The following ANK2 variants were observed in gnomAD, a reference collection of about 807,000 sequenced individuals.
The protein encoded by ANK2 is ankyrin-2.
In ANK2, 83 loss-of-function variants were observed where a neutral mutation model predicts 360.5. The ratio of observed to expected loss-of-function variants is 0.23; its 90% confidence interval spans 0.19 to 0.28. The LOEUF (loss-of-function observed/expected upper bound fraction) is 0.28. Among genes scored for constraint, ANK2 ranks in the 10% least tolerant of loss-of-function variants. The pLI is 1.00. For missense variants in ANK2, 4,201 were observed against 4,795.7 expected, an observed-to-expected ratio of 0.88 and a Z score of 3.66; for synonymous variants, 1,740 against 1,759.5, an observed-to-expected ratio of 0.99 and a Z score of 0.28.
chr4:112,760,044 C>G, the ANK2 span, among the ~76,000 whole-genome samples: 3 of 152,108 alleles, frequency 2.0e-5, no homozygotes, highest in Non-Finnish European at 4.4e-5. Flanking sequence ...TATAGTTACC[C>G]CCTACCCCAG....
chr4:113,309,877 G>A (rs2079026204), intron 23 of ANK2, among the ~76,000 whole-genome samples: 2 of 152,082 alleles, frequency 1.3e-5, no homozygotes, highest in Non-Finnish European at 1.5e-5. Flanking sequence ...TGATATATTT[G>A]ATTAAAAATA....
Position 113,232,172 on chromosome 4 carries a change from T to C in ANK2, c.396T>C (p.Thr132=), listed in dbSNP as rs771744452. 2.5e-6 allele frequency: 4 copies of C among 1,593,984 alleles called. No homozygotes were observed. The highest frequency in any genetic ancestry group is 3.4e-6 in the Non-Finnish European group (4 of 1,161,856). ...TTGCTTGTCCTCAGAATGGCTTTAC[T>C]CCTTTATACATGGCTGCCCAAGAGA... ...NINAQSQNGF[T]PLYMAAQENH... Residue 132 remains threonine (T), a synonymous_variant, in exon 5 of 46, where the codon ACT becomes ACC. Transcript: ENST00000357077.
At chr4:112,948,255 A>C (rs2094689216) in intron 2 of ANK2, among the ~76,000 whole-genome samples, 1 of 152,182 alleles carries the variant, frequency 6.6e-6, no homozygotes, top group Non-Finnish European at 1.5e-5. Flanking sequence ...TTGCCTATTT[A>C]CAAAAAAAAC....
chr4:113,272,132 G>C (rs2058756790), intron 14 of ANK2, among the ~76,000 whole-genome samples: 1 of 152,194 alleles, frequency 6.6e-6, no homozygotes, highest in African/African-American at 2.4e-5. Context: ...CTAGTAACTA[G>C]TAATAGAAAT....
intron 2 of ANK2, among the ~76,000 whole-genome samples, chr4:112,976,011 A>G (rs2041263792): frequency 6.6e-6 from 1 of 152,104 alleles, no homozygotes; most frequent in African/African-American, 2.4e-5. Flanking sequence ...TTTCAATTTG[A>G]AAATTGAATA....
rs1219556872 is a variant in ANK2, at chr4:113,199,091, T to A, written c.366T>A (p.Asn122Lys). The change falls in exon 4 of 46, where the codon AAT (asparagine) becomes AAA (lysine). Residue 122 changes from asparagine to lysine, a missense_variant. By Grantham distance (94) the Asn-to-Lys change is moderately conservative. Around this residue, in one of 4 missense-constraint regions of ANK2, gnomAD observed 169 missense variants for 191.1 expected, o/e 0.88. Transcript: ENST00000357077. ...VVKVLVKEGA[N>K]INAQSQNGFT... ...AAGTTCTTGTTAAGGAAGGAGCCAA[T>A]ATTAATGCACAGTCTCAGGTATTCC... 1 of 1,611,184 alleles carries A rather than the reference T, an allele frequency of 6.2e-7. No homozygotes were observed. Among genetic ancestry groups the A allele is most frequent in the Admixed American group, 1.7e-5 (1 of 59,998 alleles).
intron 21 of ANK2, 147 bp downstream of exon 21, chr4:113,292,661 C>A: frequency 2.2e-6 from 2 of 913,722 alleles, no homozygotes. Flanking sequence ...TTTGGGCAGG[C>A]TTTCCAGAAG....
chr4:113,354,876 A>G lies in ANK2; in HGVS notation c.6258A>G (p.Lys2086=). The G allele has an allele frequency of 6.2e-7, 1 of 1,614,098 alleles. No homozygotes were observed. The highest frequency in any genetic ancestry group is 8.5e-7 in the Non-Finnish European group (1 of 1,179,982). Residue 2086 remains lysine, a synonymous_variant, in exon 38 of 46, where the codon AAA becomes AAG. Coordinates refer to ENST00000357077, the MANE Select transcript of ANK2 (RefSeq NM_001148.6). ...AAGATGCAGCTGGAGGAAAGGAGAA[A>G]GTTCTCAGCCACAAAATACCTGAAC... is the stretch of plus-strand genomic sequence containing the variant. The part of the protein sequence containing the change: ...KKEDAAGGKE[K]VLSHKIPEPV...
At position 113,199,227 on chromosome 4, in the gene ANK2, A is replaced by G. The variant is rs1291985146; in HGVS notation, c.384+118A>G. The G allele has an allele frequency of 4.9e-6, 4 of 818,420 alleles. No homozygotes were observed. In the South Asian group the frequency reaches 6.6e-5, roughly 13 times the overall value. The allele number at this position is 818,420 out of a possible 1,614,324, so 50.7% of individuals were successfully genotyped here. ...ATAAATTTATTATAAGTGCTTTGTTATTTATTTTAGCCAAATAATTTTATT... is the reference window on the plus strand; with the variant it reads ...ATAAATTTATTATAAGTGCTTTGTTGTTTATTTTAGCCAAATAATTTTATT... On this transcript the variant is annotated intron_variant, in intron 4 of 45. Coordinates refer to ENST00000357077, the MANE Select transcript of ANK2 (RefSeq NM_001148.6).
At chr4:112,709,908 T>G in the ANK2 span, among the ~76,000 whole-genome samples, 1 of 152,216 alleles carries the variant, frequency 6.6e-6, no homozygotes, top group Non-Finnish European at 1.5e-5. Context: ...TGTCATTCTC[T>G]TGTTTCTTCA....
intron 1 of ANK2, among the ~76,000 whole-genome samples, chr4:113,147,508 G>A (rs944078603): frequency 2.0e-5 from 3 of 152,154 alleles, no homozygotes; most frequent in African/African-American, 7.2e-5. Flanking sequence ...TTATAGACTG[G>A]AGCATATCAT....
intron 2 of ANK2, among the ~76,000 whole-genome samples, chr4:113,008,074 A>C (rs1038661524): frequency 2.0e-5 from 3 of 150,942 alleles, no homozygotes; most frequent in Non-Finnish European, 4.4e-5. Context: ...ACCTGGAAAA[A>C]GTGGTACCTA....
chr4:113,088,063 G>T (rs558588655), intron 1 of ANK2, among the ~76,000 whole-genome samples: 54 of 151,986 alleles, frequency 3.6e-4, no homozygotes, highest in Middle Eastern at 3.4e-3. Context: ...GAAAAGCCTG[G>T]TTTTTTTTAA....
chr4:113,002,289 A>G (rs1368325345), intron 2 of ANK2, among the ~76,000 whole-genome samples: 1 of 152,220 alleles, frequency 6.6e-6, no homozygotes, highest in African/African-American at 2.4e-5. Context: ...ACTATTCACA[A>G]TAGCAAAGAC....
the ANK2 span, among the ~76,000 whole-genome samples, chr4:112,708,777 A>G: frequency 6.6e-6 from 1 of 152,316 alleles, no homozygotes; most frequent in South Asian, 2.1e-4. Context: ...GAGCCTAAAT[A>G]ATACCTAATT....
chr4:113,100,595 T>G (rs745388600), intron 1 of ANK2, among the ~76,000 whole-genome samples: 5 of 152,110 alleles, frequency 3.3e-5, no homozygotes, highest in African/African-American at 4.8e-5. Context: ...AAACACAGTC[T>G]TACTGTACAA....
intron 2 of ANK2, among the ~76,000 whole-genome samples, chr4:113,013,737 A>T (rs2055584533): frequency 6.6e-6 from 1 of 151,992 alleles, no homozygotes; most frequent in African/African-American, 2.4e-5. Context: ...GGTTTTGAAC[A>T]TTTTTTTTCC....
At chr4:113,086,662 C>T (rs562561674) in intron 1 of ANK2, among the ~76,000 whole-genome samples, 5 of 152,090 alleles carry the variant, frequency 3.3e-5, no homozygotes, top group African/African-American at 9.7e-5. Flanking sequence ...AAAAAAACCA[C>T]GAAGAAAACT....
At chr4:113,104,129 T>G (rs2093320305) in intron 1 of ANK2, among the ~76,000 whole-genome samples, 1 of 152,162 alleles carries the variant, frequency 6.6e-6, no homozygotes, top group South Asian at 2.1e-4. Flanking sequence ...GGTAAGAATA[T>G]AACTCCTACT....
Sources: gnomAD v4.1 joint callset for allele counts (sites outside exome capture counted in the v4.1 genomes callset) on GRCh38, gnomAD v4.1.1 for gene constraint, gnomAD v4.1.1 regional missense constraint, MANE v1.5 for transcripts, NCBI Gene and HGNC (gene_info 2026-07-23, HGNC 2026-07-21) for gene names.